The following ZNF385D variants were observed in gnomAD, a reference collection of about 807,000 sequenced individuals.
ZNF385D encodes zinc finger protein 385D.
In ZNF385D, 15 loss-of-function variants were observed where a neutral mutation model predicts 35.8. The observed-to-expected ratio is 0.42, with a 90% confidence interval of 0.28 to 0.64. The LOEUF (loss-of-function observed/expected upper bound fraction) is 0.64, where lower values mean the gene tolerates loss of function less well. Among genes scored for constraint, ZNF385D ranks in the 30% least tolerant of loss-of-function variants. ZNF385D has a pLI of 0.23. For missense variants in ZNF385D, 474 were observed against 494.6 expected (o/e 0.96, Z 0.39); for synonymous variants, 212 against 186.8 (o/e 1.13, Z -1.10).
At chr3:21,965,517 T>C (rs747738189) in intron 3 of ZNF385D, among the ~76,000 whole-genome samples, 2 of 151,692 alleles carry the variant, frequency 1.3e-5, no homozygotes, top group Non-Finnish European at 2.9e-5. Context: ...GCTTGTACTC[T>C]TCACAGATGT....
At chr3:21,787,961 A>G in intron 3 of ZNF385D, among the ~76,000 whole-genome samples, 2 of 40,610 alleles carry the variant, frequency 4.9e-5, no homozygotes, top group South Asian at 8.9e-4. Context: ...AAAAAAAAAA[A>G]AAAAAAAAAA....
intron 2 of ZNF385D, among the ~76,000 whole-genome samples, chr3:22,289,322 G>T (rs1035481830): frequency 1.3e-5 from 2 of 152,140 alleles, no homozygotes; most frequent in Admixed American, 1.3e-4. Flanking sequence ...TTACGTGCAA[G>T]CTGTTCCATA....
At chr3:21,926,605 G>C (rs1311863629) in intron 3 of ZNF385D, among the ~76,000 whole-genome samples, 1 of 152,114 alleles carries the variant, frequency 6.6e-6, no homozygotes, top group Non-Finnish European at 1.5e-5. Flanking sequence ...ACGTGTGCAT[G>C]TGTCTTTATA....
chr3:22,183,016 A>C (rs1030409593), intron 2 of ZNF385D, among the ~76,000 whole-genome samples: 1 of 152,134 alleles, frequency 6.6e-6, no homozygotes, highest in Non-Finnish European at 1.5e-5. Context: ...ATTGTAAAAA[A>C]CTGGGTTTCT....
chr3:22,164,491 T>A (rs1418844446), intron 3 of ZNF385D, among the ~76,000 whole-genome samples: 2 of 151,644 alleles, frequency 1.3e-5, no homozygotes, highest in Non-Finnish European at 2.9e-5. Flanking sequence ...TCTCCCAAAG[T>A]GCTAGGATTA....
intron 3 of ZNF385D, among the ~76,000 whole-genome samples, chr3:22,040,949 C>CT (rs150748669): frequency 6.6e-6 from 1 of 151,950 alleles, no homozygotes; most frequent in Non-Finnish European, 1.5e-5. Context: ...ACAATTTTCT[C>CT]TTTTTTCTCA....
intron 2 of ZNF385D, among the ~76,000 whole-genome samples, chr3:21,647,434 CCT>C (rs1267327922): frequency 2.0e-5 from 3 of 151,492 alleles, no homozygotes; most frequent in African/African-American, 4.9e-5. Context: ...TTCCTCACTC[CCT>C]TTTTCTTTGC....
rs549946802 is a variant in ZNF385D at position 21,844,325 on chromosome 3, T to C, written c.326-179297A>G. Among the ~76,000 whole-genome samples, 4 of 151,528 alleles carry C rather than the reference T, an allele frequency of 2.6e-5. No homozygotes were observed. In the South Asian group the frequency reaches 6.2e-4, roughly 24 times the overall value. On this transcript the variant is annotated intron_variant, in intron 3 of 5. Transcript: ENST00000494108. ...TTTATTAAAGGAAATTTATCCTCAA[T>C]TGAGAACAGAGGATCACTGGCTTTA...
intron 2 of ZNF385D, among the ~76,000 whole-genome samples, chr3:21,615,055 G>A (rs567465278): frequency 1.6e-4 from 25 of 152,206 alleles, no homozygotes; most frequent in Non-Finnish European, 2.5e-4. Flanking sequence ...TAAGTGATAT[G>A]TTTTGGATAT....
chr3:22,295,425 C>T lies in ZNF385D; in HGVS notation c.106+77025G>A, dbSNP rs148028030. Among the ~76,000 whole-genome samples the T allele has an allele frequency of 4.6e-5, 7 of 151,954 alleles. No homozygotes were observed. In the East Asian group the frequency reaches 1.4e-3, roughly 29 times the overall value. On this transcript the variant is annotated intron_variant, in intron 2 of 5. Coordinates refer to the ZNF385D transcript ENST00000494108. ...AAAGGCTGTGATCTGACTCCAGCCT[C>T]CTATAAGAGAATTATAACAAATTTT...
chr3:21,787,761 T>C lies in ZNF385D; in HGVS notation c.326-122733A>G, dbSNP rs142313175. 9.8e-3 allele frequency among the ~76,000 whole-genome samples: 1,491 copies of C among 151,436 alleles called. 78 individuals carry two copies. The highest frequency in any genetic ancestry group is 0.091 in the Admixed American group (1,377 of 15,200). On this transcript the variant is annotated intron_variant, in intron 3 of 5. Coordinates refer to the ZNF385D transcript ENST00000494108. ...TCATGAAAAGCAGAGGCCAAAACAA[T>C]TGAGGATAAAATTCAGAGAGGCAAT... is the stretch of plus-strand genomic sequence containing the variant.
intron 4 of ZNF385D, among the ~76,000 whole-genome samples, chr3:21,439,100 A>G (rs1701725129): frequency 6.6e-6 from 1 of 152,088 alleles, no homozygotes; most frequent in Non-Finnish European, 1.5e-5. Context: ...TTACATACTT[A>G]AAATAACTGT....
intron 3 of ZNF385D, among the ~76,000 whole-genome samples, chr3:22,098,372 A>C (rs1701746241): frequency 6.6e-6 from 1 of 152,040 alleles, no homozygotes; most frequent in Non-Finnish European, 1.5e-5. Context: ...TAATGAACAC[A>C]ATTTTTTTCA....
chr3:22,167,457 A>G (rs1342445348), intron 3 of ZNF385D, among the ~76,000 whole-genome samples: 2 of 152,172 alleles, frequency 1.3e-5, no homozygotes, highest in Non-Finnish European at 2.9e-5. Context: ...ATTGCTCAAT[A>G]AATTATTCTC....
chr3:22,047,175 A>T (rs1358877091), intron 3 of ZNF385D, among the ~76,000 whole-genome samples: 2 of 152,154 alleles, frequency 1.3e-5, no homozygotes, highest in Non-Finnish European at 2.9e-5. Flanking sequence ...AAATGTATAC[A>T]TTGTAGAATG....
chr3:21,799,834 G>A (rs985531762), intron 3 of ZNF385D, among the ~76,000 whole-genome samples: 7 of 151,986 alleles, frequency 4.6e-5, no homozygotes, highest in African/African-American at 1.7e-4. Flanking sequence ...CCATATCTAA[G>A]ACAATGAAGA....
At chr3:21,529,807 C>T (rs1285101250) in intron 3 of ZNF385D, among the ~76,000 whole-genome samples, 1 of 152,130 alleles carries the variant, frequency 6.6e-6, no homozygotes, top group African/African-American at 2.4e-5. Flanking sequence ...TTTGGCTTTC[C>T]TTTCTATGGA....
At chr3:21,587,840 A>G (rs2063856360) in intron 2 of ZNF385D, among the ~76,000 whole-genome samples, 1 of 152,146 alleles carries the variant, frequency 6.6e-6, no homozygotes, top group South Asian at 2.1e-4. Flanking sequence ...TGAGAGTGGG[A>G]GGAGAAATAG....
At chr3:21,705,357 A>C (rs1032068639) in intron 1 of ZNF385D, among the ~76,000 whole-genome samples, 2 of 152,220 alleles carry the variant, frequency 1.3e-5, no homozygotes, top group Non-Finnish European at 2.9e-5. Context: ...ACAGATTAAG[A>C]AAGGGCAGCA....
Sources: gnomAD v4.1 joint callset for allele counts (sites outside exome capture counted in the v4.1 genomes callset) on GRCh38, gnomAD v4.1.1 for gene constraint, MANE v1.5 for transcripts, NCBI Gene and HGNC (gene_info 2026-07-23, HGNC 2026-07-21) for gene names.